RBFOX1: variants seen among roughly 807,000 people sequenced by gnomAD.
RBFOX1 encodes the protein RNA binding protein fox-1 homolog 1.
Under a neutral mutation model 57.7 loss-of-function variants are expected in RBFOX1, and 8 were observed. That is an observed-to-expected ratio of 0.14 (90% CI 0.08 to 0.25). RBFOX1 has a LOEUF of 0.25. RBFOX1 is among the 10% of genes least tolerant of loss of function. RBFOX1 has a pLI of 1.00. For missense variants in RBFOX1, 611 were observed against 548.5 expected (o/e 1.11, Z -1.14); for synonymous variants, 326 against 222.4 (o/e 1.47, Z -4.15).
At chr16:6,714,552 A>G (rs990993775) in intron 3 of RBFOX1, among the ~76,000 whole-genome samples, 2 of 152,108 alleles carry the variant, frequency 1.3e-5, no homozygotes, top group African/African-American at 2.4e-5. Context: ...CTCATTAGTC[A>G]TTGGTAGAGG....
intron 3 of RBFOX1, among the ~76,000 whole-genome samples, chr16:6,788,218 C>A (rs892797356): frequency 2.6e-5 from 4 of 152,100 alleles, no homozygotes; most frequent in African/African-American, 9.6e-5. Flanking sequence ...GAAACTCCAT[C>A]TAAAATAATA....
At chr16:7,626,832 T>C (rs565133722) in intron 10 of RBFOX1, among the ~76,000 whole-genome samples, 1 of 152,338 alleles carries the variant, frequency 6.6e-6, no homozygotes, top group South Asian at 2.1e-4. Context: ...TAAAAATGTA[T>C]TATAATTCAA....
chr16:6,876,580 A>G (rs2061886554), intron 3 of RBFOX1, among the ~76,000 whole-genome samples: 1 of 152,180 alleles, frequency 6.6e-6, no homozygotes, highest in Non-Finnish European at 1.5e-5. Flanking sequence ...TAGTGTGAGA[A>G]ACCTTGGACT....
intron 2 of RBFOX1, among the ~76,000 whole-genome samples, chr16:6,636,829 TATATATA>T (rs1278187717): frequency 2.7e-5 from 1 of 36,566 alleles, no homozygotes; most frequent in African/African-American, 6.3e-5. Flanking sequence ...TAATATATGT[TATATATA>T]ATATATAATA....
intron 3 of RBFOX1, among the ~76,000 whole-genome samples, chr16:6,755,620 GC>G (rs1220866208): frequency 3.3e-5 from 5 of 152,102 alleles, no homozygotes; most frequent in Non-Finnish European, 5.9e-5. Flanking sequence ...AAGAACTGTG[GC>G]TCTTTTAACT....
chr16:7,632,127 T>A (rs747654758), intron 11 of RBFOX1, among the ~76,000 whole-genome samples: 1 of 152,178 alleles, frequency 6.6e-6, no homozygotes, highest in East Asian at 1.9e-4. Context: ...CAGGCTGGTC[T>A]CAAAGTCCTG....
chr16:6,508,364 T>TAAAACTTGTCCCCGAACA, intron 2 of RBFOX1, among the ~76,000 whole-genome samples: 1 of 152,026 alleles, frequency 6.6e-6, no homozygotes, highest in Non-Finnish European at 1.5e-5. Context: ...AACATAAAAC[T>TAAAACTTGTCCCCGAACA]TAAAACAAAA....
At chr16:6,527,195 C>G (rs1004618124) in intron 2 of RBFOX1, among the ~76,000 whole-genome samples, 2 of 152,188 alleles carry the variant, frequency 1.3e-5, no homozygotes. Flanking sequence ...AGTCTCCTAT[C>G]TACCTATGAT....
chr16:6,649,224 T>C (rs2098557109), intron 2 of RBFOX1, among the ~76,000 whole-genome samples: 2 of 152,212 alleles, frequency 1.3e-5, no homozygotes, highest in Admixed American at 1.3e-4. Flanking sequence ...TCATTCAACT[T>C]AACACAGTGT....
At chr16:5,724,843 T>C (rs940160822) in intron 3 of RBFOX1, among the ~76,000 whole-genome samples, 2 of 152,158 alleles carry the variant, frequency 1.3e-5, no homozygotes, top group Admixed American at 1.3e-4. Flanking sequence ...CCCGCCTTCC[T>C]GGAAAAATGA....
At chr16:5,889,043 C>G (rs1479460080) in intron 4 of RBFOX1, among the ~76,000 whole-genome samples, 1 of 152,064 alleles carries the variant, frequency 6.6e-6, no homozygotes. Flanking sequence ...ACCACACGCT[C>G]TTCAATAAAA....
At chr16:5,712,269 C>G (rs892761317) in intron 3 of RBFOX1, among the ~76,000 whole-genome samples, 2 of 152,210 alleles carry the variant, frequency 1.3e-5, no homozygotes, top group African/African-American at 4.8e-5. Flanking sequence ...CGAAGCCAAA[C>G]CATATAATGC....
In RBFOX1 at chr16:6,456,002, C is replaced by T. The variant is rs145489293; in HGVS notation, c.-64+138945C>T. 1.1e-3 allele frequency among the ~76,000 whole-genome samples: 160 copies of T among 149,874 alleles called. 6 individuals carry two copies. In the East Asian group the frequency reaches 0.027, roughly 25 times the overall value. On this transcript the variant is annotated intron_variant, in intron 2 of 15. Transcript: ENST00000550418. ...CTGGAACTGAGCACAAAGCTTATAT[C>T]TAAGGATTCTGATAAAATGCAAAGA...
chr16:7,159,547 G>A (rs564908032), intron 4 of RBFOX1, among the ~76,000 whole-genome samples: 1 of 152,290 alleles, frequency 6.6e-6, no homozygotes, highest in South Asian at 2.1e-4. Flanking sequence ...CATGGCAGAA[G>A]GCAGGATTTG....
At chr16:7,216,285 A>G (rs59236690) in intron 4 of RBFOX1, among the ~76,000 whole-genome samples, 63,653 of 151,934 alleles carry the variant, frequency 0.42, 13,929 homozygotes, top group East Asian at 0.68. Flanking sequence ...CTCATTGACC[A>G]TGAGCAGAAA....
chr16:5,242,626 C>G (rs539547892), intron 1 of RBFOX1, among the ~76,000 whole-genome samples: 74 of 152,226 alleles, frequency 4.9e-4, no homozygotes, highest in African/African-American at 1.8e-3. Context: ...AACAGAGTGC[C>G]CTTTTATGAG....
chr16:5,474,262 A>G (rs1286675516), intron 2 of RBFOX1, among the ~76,000 whole-genome samples: 3 of 152,236 alleles, frequency 2.0e-5, no homozygotes, highest in Non-Finnish European at 4.4e-5. Flanking sequence ...TTAAAAATTA[A>G]TTTCCACTTA....
intron 1 of RBFOX1, among the ~76,000 whole-genome samples, chr16:6,230,911 T>A (rs2097454280): frequency 6.6e-6 from 1 of 152,130 alleles, no homozygotes; most frequent in African/African-American, 2.4e-5. Context: ...ATGCAGACAG[T>A]GTCAAATGTT....
chr16:6,990,273 C>T (rs775623625), intron 3 of RBFOX1, among the ~76,000 whole-genome samples: 2 of 152,008 alleles, frequency 1.3e-5, no homozygotes, highest in Non-Finnish European at 2.9e-5. Flanking sequence ...GGCTGTAATC[C>T]CAGTACTTTG....
Sources: gnomAD v4.1 joint callset for allele counts (sites outside exome capture counted in the v4.1 genomes callset) on GRCh38, gnomAD v4.1.1 for gene constraint, MANE v1.5 for transcripts, NCBI Gene and HGNC (gene_info 2026-07-23, HGNC 2026-07-21) for gene names.